The following PHF20L1 variants were observed in gnomAD, a reference collection of about 807,000 sequenced individuals.
PHF20L1 encodes the protein PHD finger protein 20 like 1.
PHF20L1 carries 44 observed loss-of-function variants against 125.5 expected under a neutral mutation model. The ratio of observed to expected loss-of-function variants is 0.35; its 90% CI spans 0.28 to 0.45. PHF20L1 has a LOEUF of 0.45. Ranked by LOEUF, PHF20L1 falls within the 20% of genes least tolerant of loss-of-function variation. The probability of loss-of-function intolerance (pLI) is 1.00; values close to 1 mark genes in which losing one functional copy is unlikely to be tolerated. For missense variants in PHF20L1, 1,012 were observed against 1,217.2 expected, an observed-to-expected ratio of 0.83 and a Z score of 2.51; for synonymous variants, 380 against 403.1, an observed-to-expected ratio of 0.94 and a Z score of 0.69.
At chr8:132,811,464 G>C in intron 9 of PHF20L1, 1 of 1,003,128 alleles carries the variant, frequency 1.0e-6, no homozygotes, top group Non-Finnish European at 1.2e-6. Flanking sequence ...AGTTAAAACA[G>C]GGTTTTTTGA....
chr8:132,831,390 C>T (rs1461408422), intron 14 of PHF20L1, among the ~76,000 whole-genome samples: 1 of 151,864 alleles, frequency 6.6e-6, no homozygotes, highest in Non-Finnish European at 1.5e-5. Context: ...CCTTACTATA[C>T]CCTCAACTCT....
chr8:132,791,284 G>A (rs1411661317), intron 2 of PHF20L1, among the ~76,000 whole-genome samples: 1 of 141,194 alleles, frequency 7.1e-6, no homozygotes, highest in Non-Finnish European at 1.5e-5. Flanking sequence ...TTTTAATACG[G>A]AGTTTCACTA....
chr8:132,808,889 A>G (rs1047066344), intron 8 of PHF20L1: 2 of 147,136 alleles, frequency 1.4e-5, no homozygotes, highest in African/African-American at 5.0e-5. Context: ...CTTATTTTTT[A>G]ATATAGAGAT....
At chr8:132,784,802 C>A (rs1830826953) in intron 2 of PHF20L1, among the ~76,000 whole-genome samples, 1 of 152,134 alleles carries the variant, frequency 6.6e-6, no homozygotes, top group Non-Finnish European at 1.5e-5. Flanking sequence ...GCTCAGTGTT[C>A]ACGGGCCACC....
At chr8:132,830,950 G>A (rs575778918) in intron 14 of PHF20L1, among the ~76,000 whole-genome samples, 47 of 152,050 alleles carry the variant, frequency 3.1e-4, no homozygotes, top group African/African-American at 7.5e-4. Context: ...TGATAATGCC[G>A]TCTTAGCTCT....
Position 132,794,797 on chromosome 8 carries a change from T to C in PHF20L1, c.320T>C (p.Ile107Thr). The change falls in exon 4 of 21, where the codon ATT becomes ACT. Residue 107 changes from isoleucine to threonine, a missense_variant. Around this residue, in one of 7 missense-constraint regions of PHF20L1, gnomAD observed 94 missense variants for 179.5 expected, o/e 0.52. Coordinates refer to ENST00000395386, the MANE Select transcript of PHF20L1 (RefSeq NM_016018.5). ...WTDCRYYPAK[I>T]EAINKEGTFT... ...GACTGTCGCTATTACCCTGCCAAGA[T>C]TGAAGCAATTAACAAAGAAGGTATG... The C allele has an allele frequency of 6.2e-7, 1 of 1,609,918 alleles. No homozygotes were observed. The highest frequency in any genetic ancestry group is 8.5e-7 in the Non-Finnish European group (1 of 1,176,716).
At chr8:132,842,968 A>G in intron 19 of PHF20L1, 93 bp downstream of exon 19, 1 of 1,471,250 alleles carries the variant, frequency 6.8e-7, no homozygotes, top group Non-Finnish European at 9.1e-7. Context: ...CCCAGATTTT[A>G]GTTGTATTTC....
At chr8:132,834,643 C>G (rs938304112) in intron 15 of PHF20L1, among the ~76,000 whole-genome samples, 1 of 152,002 alleles carries the variant, frequency 6.6e-6, no homozygotes, top group Non-Finnish European at 1.5e-5. Context: ...CCATTTAATA[C>G]TGTTTATATG....
chr8:132,815,424 T>C (rs1363346098), intron 10 of PHF20L1: 1 of 151,928 alleles, frequency 6.6e-6, no homozygotes, highest in Non-Finnish European at 1.5e-5. Context: ...CGCAGTCTTT[T>C]TCGAAAACAC....
At chr8:132,816,093 A>C (rs2131679785) in intron 10 of PHF20L1, 1 of 152,066 alleles carries the variant, frequency 6.6e-6, no homozygotes, top group Admixed American at 6.6e-5. Context: ...TTTCTAAATT[A>C]ACATGAATAT....
rs1013984818 is a variant in PHF20L1 at position 132,842,782 on chromosome 8, T to C, written c.2655T>C (p.Asp885=). ...CAGACCCTGGGAGCTCAGATGATGA[T>C]GATGTTAGTAGTTTGGAAGAAGAAC... ...SLADPGSSDD[D]DVSSLEEEQE... The change falls in exon 19 of 21, where the codon GAT becomes GAC. Residue 885 remains aspartate (D), a synonymous_variant. Coordinates refer to ENST00000395386, the MANE Select transcript of PHF20L1 (RefSeq NM_016018.5). 6.2e-7 allele frequency: 1 copy of C among 1,613,312 alleles called. No homozygotes were observed.
chr8:132,834,736 A>G (rs1837153165), intron 15 of PHF20L1, among the ~76,000 whole-genome samples: 1 of 152,016 alleles, frequency 6.6e-6, no homozygotes, highest in South Asian at 2.1e-4. Flanking sequence ...TAAGCCAGCA[A>G]GATTATGGAT....
At chr8:132,833,437 G>A (rs992353730) in intron 15 of PHF20L1, among the ~76,000 whole-genome samples, 1 of 152,014 alleles carries the variant, frequency 6.6e-6, no homozygotes, top group Non-Finnish European at 1.5e-5. Context: ...GCAAATACAA[G>A]TCTACTTTTT....
intron 6 of PHF20L1, among the ~76,000 whole-genome samples, chr8:132,800,881 A>G (rs1832967153): frequency 6.6e-6 from 1 of 151,492 alleles, no homozygotes; most frequent in Admixed American, 6.6e-5. Context: ...CATTTTTCTC[A>G]CTGGGAAAGA....
rs1042260064 is a variant in PHF20L1 at position 132,817,405 on chromosome 8, G to T, written c.1439G>T (p.Gly480Val). The T allele has an allele frequency of 2.5e-6, 4 of 1,612,666 alleles. No individual in the cohort carries two copies. Among genetic ancestry groups the T allele is most frequent in the East Asian group, 2.2e-5 (1 of 44,850 alleles). ...GPCLPLDLSR[G>V]SEVTAPVASD... is the part of the protein sequence containing the mutation. ...TGTCTCCCTCTTGACTTAAGTCGTG[G>T]TTCAGAAGTTACAGCACCGGTAGCC... The change falls in exon 12 of 21, where the codon GGT becomes GTT. Residue 480 changes from glycine to valine, a missense_variant. Around this residue, in one of 7 missense-constraint regions of PHF20L1, gnomAD observed 320 missense variants for 293.8 expected, o/e 1.09. Coordinates refer to ENST00000395386, the MANE Select transcript of PHF20L1 (RefSeq NM_016018.5).
chr8:132,837,631 C>T, intron 16 of PHF20L1, 81 bp from the exon 17 acceptor site: 1 of 1,107,714 alleles, frequency 9.0e-7, no homozygotes, highest in Non-Finnish European at 1.4e-6. Flanking sequence ...CCAGCCAATT[C>T]AAAGAAAGGG....
At chr8:132,795,252 G>A (rs1381965026) in intron 4 of PHF20L1, among the ~76,000 whole-genome samples, 1 of 152,114 alleles carries the variant, frequency 6.6e-6, no homozygotes, top group African/African-American at 2.4e-5. Context: ...ATTTTTACCA[G>A]TTCGAGGATT....
chr8:132,838,414 C>T (rs1837598797), intron 17 of PHF20L1: 1 of 152,744 alleles, frequency 6.5e-6, no homozygotes, highest in African/African-American at 2.4e-5. Context: ...CCTGTGATGC[C>T]TTTATTTTAC....
intron 19 of PHF20L1, chr8:132,843,866 T>C (rs1563860027): frequency 1.0e-6 from 1 of 985,302 alleles, no homozygotes; most frequent in South Asian, 4.7e-5. Context: ...TCAGGAATTC[T>C]AATTACACAA....
Sources: allele counts gnomAD v4.1 joint callset (sites outside exome capture counted in the v4.1 genomes callset), GRCh38; gene constraint gnomAD v4.1.1; regional missense constraint gnomAD v4.1.1; transcripts MANE v1.5; gene names NCBI Gene and HGNC (gene_info 2026-07-23, HGNC 2026-07-21).